Variants in SNTB1 observed in about 807,000 individuals in gnomAD.
SNTB1 encodes the protein syntrophin beta 1.
In SNTB1, 36 loss-of-function variants were observed where a neutral mutation model predicts 48.9. The observed-to-expected ratio is 0.74, with a 90% confidence interval of 0.56 to 0.97. The LOEUF (loss-of-function observed/expected upper bound fraction) is 0.97. Ranked by LOEUF, SNTB1 falls within the 50% of genes least tolerant of loss-of-function variation. The pLI, the probability that SNTB1 is intolerant of heterozygous loss-of-function variation, is 0.00. For missense variants in SNTB1, 786 were observed against 703.4 expected, an observed-to-expected ratio of 1.12 and a Z score of -1.33; for synonymous variants, 299 against 294.6, an observed-to-expected ratio of 1.01 and a Z score of -0.15.
At chr8:120,543,983 G>T (rs1815335653) in intron 5 of SNTB1, among the ~76,000 whole-genome samples, 2 of 150,806 alleles carry the variant, frequency 1.3e-5, no homozygotes, top group African/African-American at 4.9e-5. Flanking sequence ...TGAGACAGGG[G>T]TCTACGCTAT....
chr8:120,786,925 C>T (rs1819931987), intron 1 of SNTB1, among the ~76,000 whole-genome samples: 1 of 152,138 alleles, frequency 6.6e-6, no homozygotes, highest in Admixed American at 6.5e-5. Context: ...ACTGTTCAAC[C>T]CAATGAAGAA....
chr8:120,754,802 T>C (rs972015628), intron 1 of SNTB1, among the ~76,000 whole-genome samples: 36 of 152,128 alleles, frequency 2.4e-4, no homozygotes, highest in Non-Finnish European at 4.6e-4. Context: ...GAAAGGTACA[T>C]GAGTTTAAGA....
chr8:120,791,216 T>C (rs753959417), intron 1 of SNTB1, among the ~76,000 whole-genome samples: 104 of 151,808 alleles, frequency 6.9e-4, no homozygotes, highest in Non-Finnish European at 1.3e-3. Flanking sequence ...AAGGAGGCAA[T>C]AAATGTTGAT....
At chr8:120,594,048 C>T (rs1018638758) in intron 3 of SNTB1, among the ~76,000 whole-genome samples, 1 of 147,098 alleles carries the variant, frequency 6.8e-6, no homozygotes, top group Non-Finnish European at 1.5e-5. Flanking sequence ...GAGCTCAGTA[C>T]ATGTCTTTAT....
At chr8:120,663,136 A>G (rs901009503) in intron 2 of SNTB1, among the ~76,000 whole-genome samples, 1 of 152,166 alleles carries the variant, frequency 6.6e-6, no homozygotes. Context: ...GCCTAGGTCC[A>G]AGTACTGGCT....
chr8:120,557,849 A>G (rs545024297), intron 4 of SNTB1, among the ~76,000 whole-genome samples: 1 of 152,336 alleles, frequency 6.6e-6, no homozygotes, highest in African/African-American at 2.4e-5. Flanking sequence ...TCAGTTTTGC[A>G]AAGGAAAGTA....
chr8:120,732,670 C>T (rs980494960), intron 1 of SNTB1, among the ~76,000 whole-genome samples: 18 of 152,142 alleles, frequency 1.2e-4, no homozygotes, highest in Middle Eastern at 3.2e-3. Context: ...CATGGGGAAA[C>T]CTCGTCTCTA....
chr8:120,673,483 G>T (rs969389220), intron 2 of SNTB1, among the ~76,000 whole-genome samples: 2 of 151,948 alleles, frequency 1.3e-5, no homozygotes, highest in African/African-American at 4.8e-5. Context: ...TAGAGGCAGG[G>T]TTTCACCATG....
intron 1 of SNTB1, among the ~76,000 whole-genome samples, chr8:120,752,355 A>G (rs1819234169): frequency 6.6e-6 from 1 of 152,182 alleles, no homozygotes; most frequent in South Asian, 2.1e-4. Flanking sequence ...GTCTTAGCAC[A>G]TGAACATCAA....
chr8:120,634,941 T>C (rs1817049442), intron 2 of SNTB1, among the ~76,000 whole-genome samples: 1 of 150,704 alleles, frequency 6.6e-6, no homozygotes, highest in African/African-American at 2.4e-5. Context: ...AAGCTCCGCC[T>C]CCCAGGTTCA....
At position 120,808,381 on chromosome 8, in the gene SNTB1, C is replaced by G. The variant is rs900614939; in HGVS notation, c.571+2892G>C. Among the ~76,000 whole-genome samples, 12 of 152,204 alleles carry G rather than the reference C, an allele frequency of 7.9e-5. No homozygotes were observed. In the South Asian group the frequency reaches 2.5e-3, roughly 32 times the overall value. On this transcript the variant is annotated intron_variant, in intron 1 of 6. Transcript: ENST00000517992. ...TAGCTATTGTTATGATTCTCTTTCTCCAGGTTCTGTTTAACTCCTCTGGTC... is the reference window on the plus strand; with the variant it reads ...TAGCTATTGTTATGATTCTCTTTCTGCAGGTTCTGTTTAACTCCTCTGGTC...
At chr8:120,699,502 C>A (rs1047034507) in intron 1 of SNTB1, among the ~76,000 whole-genome samples, 2 of 152,142 alleles carry the variant, frequency 1.3e-5, no homozygotes, top group Non-Finnish European at 1.5e-5. Context: ...ATATGATGTG[C>A]TGCTCTCCCT....
chr8:120,804,229 T>C (rs1820285854), intron 1 of SNTB1, among the ~76,000 whole-genome samples: 2 of 151,808 alleles, frequency 1.3e-5, no homozygotes, highest in Admixed American at 1.3e-4. Context: ...CCTCCTTCCC[T>C]TTCTCCCTCC....
intron 1 of SNTB1, among the ~76,000 whole-genome samples, chr8:120,760,472 A>T (rs1819399128): frequency 6.6e-6 from 1 of 152,134 alleles, no homozygotes; most frequent in South Asian, 2.1e-4. Context: ...TTAAAGGATA[A>T]TTTACTAATT....
intron 1 of SNTB1, among the ~76,000 whole-genome samples, chr8:120,728,279 C>A (rs1273640908): frequency 6.6e-6 from 1 of 152,106 alleles, no homozygotes; most frequent in Non-Finnish European, 1.5e-5. Context: ...CAGGCATGAG[C>A]CACTGTGTCC....
At chr8:120,665,463 TAAATA>T (rs1376936851) in intron 2 of SNTB1, among the ~76,000 whole-genome samples, 1 of 101,872 alleles carries the variant, frequency 9.8e-6, no homozygotes, top group African/African-American at 3.2e-5. Flanking sequence ...AATAAATAAA[TAAATA>T]AAATATATAT....
chr8:120,721,481 A>G (rs1242181358), intron 1 of SNTB1, among the ~76,000 whole-genome samples: 2 of 152,226 alleles, frequency 1.3e-5, no homozygotes, highest in Non-Finnish European at 2.9e-5. Context: ...AGGCTTACAT[A>G]AAACTTCAAC....
Position 120,811,910 on chromosome 8 carries a change from G to A in SNTB1, c.-67C>T. 1.6e-6 allele frequency: 2 copies of A among 1,289,254 alleles called. No individual in the cohort carries two copies. The highest frequency in any genetic ancestry group is 2.6e-5 in the South Asian group (1 of 37,918). 79.9% of individuals were successfully genotyped at this position (1,289,254 alleles called of 1,614,324 possible). A position where few individuals can be genotyped will look rare whatever the true frequency, so the allele number is the denominator to read the frequency against. On this transcript the variant is annotated 5_prime_UTR_variant, in exon 1 of 7. Transcript: ENST00000517992. Reference sequence around the variant, plus strand: ...GGAAAAGTGGGGAAGGGTGGCCGGGGGGAGGACGCGGGGCCCGGGGGAGCG... The same window carrying A: ...GGAAAAGTGGGGAAGGGTGGCCGGGAGGAGGACGCGGGGCCCGGGGGAGCG...
At chr8:120,720,394 C>T (rs572227858) in intron 1 of SNTB1, among the ~76,000 whole-genome samples, 1 of 152,316 alleles carries the variant, frequency 6.6e-6, no homozygotes, top group South Asian at 2.1e-4. Flanking sequence ...ACTCTCTGGC[C>T]CTATGACCCT....
Sources: allele counts gnomAD v4.1 joint callset (sites outside exome capture counted in the v4.1 genomes callset), GRCh38; gene constraint gnomAD v4.1.1; transcripts MANE v1.5; gene names NCBI Gene and HGNC (gene_info 2026-07-23, HGNC 2026-07-21).